The following RAB27B variants were observed in gnomAD, a reference collection of about 807,000 sequenced individuals.
The protein encoded by RAB27B is RAB27B, member RAS oncogene family.
Under a neutral mutation model 24.6 loss-of-function variants are expected in RAB27B, and 15 were observed. That is an observed-to-expected ratio of 0.61 (90% CI 0.41 to 0.94). The LOEUF (loss-of-function observed/expected upper bound fraction) is 0.94, where lower values mean the gene tolerates loss of function less well. RAB27B is among the 40% of genes least tolerant of loss of function. RAB27B has a pLI of 0.00. For missense variants in RAB27B, 261 were observed against 266.8 expected, an observed-to-expected ratio of 0.98 and a Z score of 0.15; for synonymous variants, 105 against 92.5, an observed-to-expected ratio of 1.14 and a Z score of -0.78.
intron 2 of RAB27B, among the ~76,000 whole-genome samples, chr18:54,818,050 G>C (rs1418671032): frequency 6.6e-6 from 1 of 152,144 alleles, no homozygotes; most frequent in Non-Finnish European, 1.5e-5. Context: ...TTGAATTTCA[G>C]TGGCTTTCTT....
intron 2 of RAB27B, among the ~76,000 whole-genome samples, chr18:54,789,413 A>C (rs917593531): frequency 1.3e-5 from 2 of 152,138 alleles, no homozygotes; most frequent in African/African-American, 4.8e-5. Context: ...AATACTAGGT[A>C]AACAAAATAT....
intron 2 of RAB27B, among the ~76,000 whole-genome samples, chr18:54,793,347 C>T (rs975361849): frequency 2.0e-5 from 3 of 152,220 alleles, no homozygotes; most frequent in African/African-American, 7.2e-5. Context: ...CTCACACCTT[C>T]TCATTTCCTC....
chr18:54,783,956 T>C (rs1241298196), intron 2 of RAB27B, among the ~76,000 whole-genome samples: 1 of 152,144 alleles, frequency 6.6e-6, no homozygotes, highest in African/African-American at 2.4e-5. Flanking sequence ...AGAGGTAGGG[T>C]CAATGTTACC....
chr18:54,723,143 G>A (rs1475747398), intron 2 of RAB27B, among the ~76,000 whole-genome samples: 1 of 152,196 alleles, frequency 6.6e-6, no homozygotes, highest in Admixed American at 6.5e-5. Context: ...ATGTGTCCTT[G>A]TTCAGAACCA....
intron 3 of RAB27B, among the ~76,000 whole-genome samples, chr18:54,881,851 C>T (rs1912938268): frequency 6.6e-6 from 1 of 152,158 alleles, no homozygotes; most frequent in Non-Finnish European, 1.5e-5. Flanking sequence ...ATCACTACAG[C>T]AAGCATGTTT....
rs1438674535 is a variant in RAB27B at position 54,877,618 on chromosome 18, A to G, written c.33A>G (p.Lys11=). 6.3e-7 allele frequency: 1 copy of G among 1,587,778 alleles called. No homozygotes were observed. Among genetic ancestry groups the G allele is most frequent in the Admixed American group, 1.9e-5 (1 of 52,344 alleles). MTDGDYDYLI[K]LLALGDSGVG... is the part of the protein sequence containing the mutation. ...ATGGAGACTATGATTATCTGATCAA[A>G]CTCCTGGCCCTCGGGGATTCAGGGG... The change falls in exon 2 of 6, where the codon AAA becomes AAG. Residue 11 remains lysine (K), a synonymous_variant. Transcript: ENST00000262094.
Position 54,786,119 on chromosome 18 carries a change from TG to T in RAB27B, c.-20+67979del, listed in dbSNP as rs530131631. Among the ~76,000 whole-genome samples, 7 of 151,972 alleles carry T rather than the reference TG, an allele frequency of 4.6e-5. No homozygotes were observed. The South Asian group carries it at 1.5e-3, about 32-fold the overall frequency. ...TTCATCCTCTATTTCATCTTTTTTT[TG>T]TCTTCTGCAGAATATTTCCTCCTTC... On this transcript the variant is annotated intron_variant, in intron 2 of 4. Transcript: ENST00000586570.
intron 2 of RAB27B, among the ~76,000 whole-genome samples, chr18:54,758,050 T>G (rs1382841501): frequency 1.3e-5 from 2 of 152,102 alleles, no homozygotes; most frequent in Non-Finnish European, 2.9e-5. Flanking sequence ...CTCGGCTCTG[T>G]TGAGTATTAG....
At chr18:54,855,809 C>A (rs1012404089) in intron 1 of RAB27B, among the ~76,000 whole-genome samples, 1 of 152,194 alleles carries the variant, frequency 6.6e-6, no homozygotes, top group Admixed American at 6.5e-5. Context: ...ATTCAACATA[C>A]AAGGTACCTT....
At chr18:54,750,593 G>C (rs1290940154) in intron 2 of RAB27B, among the ~76,000 whole-genome samples, 1 of 152,126 alleles carries the variant, frequency 6.6e-6, no homozygotes, top group Non-Finnish European at 1.5e-5. Flanking sequence ...ACAGAAGTTA[G>C]TAAGTACTGT....
chr18:54,845,550 G>A (rs923904924), intron 1 of RAB27B, among the ~76,000 whole-genome samples: 2 of 151,528 alleles, frequency 1.3e-5, no homozygotes, highest in African/African-American at 2.4e-5. Flanking sequence ...ATACCGTCTC[G>A]TTTTTAGCCT....
At chr18:54,833,061 C>G (rs12456731) in intron 1 of RAB27B, among the ~76,000 whole-genome samples, 1 of 151,832 alleles carries the variant, frequency 6.6e-6, no homozygotes, top group Non-Finnish European at 1.5e-5. Flanking sequence ...AAATACTTAA[C>G]GAAGGTGTTG....
At chr18:54,719,151 G>A (rs1284171450) in intron 2 of RAB27B, among the ~76,000 whole-genome samples, 1 of 152,096 alleles carries the variant, frequency 6.6e-6, no homozygotes, top group African/African-American at 2.4e-5. Flanking sequence ...CATTAAAAGT[G>A]TGACTTTAAT....
chr18:54,806,966 G>A (rs545239524), intron 2 of RAB27B, among the ~76,000 whole-genome samples: 8 of 151,992 alleles, frequency 5.3e-5, no homozygotes, highest in South Asian at 4.2e-4. Context: ...GAGTCCAGTG[G>A]CACAATCTTG....
intron 2 of RAB27B, among the ~76,000 whole-genome samples, chr18:54,799,652 C>CA (rs1179711194): frequency 1.2e-5 from 1 of 86,184 alleles, no homozygotes; most frequent in African/African-American, 5.0e-5. Flanking sequence ...TTTTTTTAGA[C>CA]AGAGTCTTGC....
At position 54,809,603 on chromosome 18, in the gene RAB27B, A is replaced by G. The variant is rs368099943; in HGVS notation, c.-19-67964A>G. On this transcript the variant is annotated intron_variant, in intron 2 of 4. Coordinates refer to the RAB27B transcript ENST00000586570. The stretch of plus-strand genomic sequence containing the variant: ...GAGACTTATTATAGCTCATTAATGA[A>G]GGAAAGTTTTAGCTAATGCATAAGT... Among the ~76,000 whole-genome samples, 14 of 152,374 alleles carry G rather than the reference A, an allele frequency of 9.2e-5. 1 individual carries two copies. The South Asian group carries it at 1.9e-3, about 20-fold the overall frequency.
At chr18:54,811,159 G>T (rs9951476) in intron 2 of RAB27B, among the ~76,000 whole-genome samples, 151,859 of 152,186 alleles carry the variant, frequency 1, 75,766 homozygotes, top group Non-Finnish European at 1. Flanking sequence ...GTTTCCTAAA[G>T]TTTTAGAGGG....
intron 2 of RAB27B, among the ~76,000 whole-genome samples, chr18:54,811,795 C>A (rs1421436072): frequency 1.3e-5 from 2 of 152,158 alleles, no homozygotes; most frequent in African/African-American, 2.4e-5. Context: ...GTCTTTGCAG[C>A]TTTCTTATTT....
At chr18:54,846,964 C>T (rs1186865281) in intron 1 of RAB27B, among the ~76,000 whole-genome samples, 1 of 152,138 alleles carries the variant, frequency 6.6e-6, no homozygotes, top group African/African-American at 2.4e-5. Flanking sequence ...GATTCTCCTG[C>T]CTCAGCCTCC....
Sources: gnomAD v4.1 joint callset for allele counts (sites outside exome capture counted in the v4.1 genomes callset) on GRCh38, gnomAD v4.1.1 for gene constraint, MANE v1.5 for transcripts, NCBI Gene and HGNC (gene_info 2026-07-23, HGNC 2026-07-21) for gene names.